CNTNAP4: variants seen among roughly 807,000 people sequenced by gnomAD.
CNTNAP4 encodes the protein contactin associated protein family member 4, also known as contactin-associated protein-like 4.
Under a neutral mutation model 148.4 loss-of-function variants are expected in CNTNAP4, and 98 were observed. That is an observed-to-expected ratio of 0.66 (90% confidence interval 0.56 to 0.78). The LOEUF is 0.78. CNTNAP4 is among the 30% of genes least tolerant of loss of function. The pLI is 0.00. For missense variants in CNTNAP4, 1,935 were observed against 1,565.6 expected (o/e 1.24, Z -3.98); for synonymous variants, 730 against 565.1 (o/e 1.29, Z -4.14).
chr16:76,496,087 G>GTGTGTGTGTA (rs1367203495), intron 14 of CNTNAP4, among the ~76,000 whole-genome samples: 3 of 138,980 alleles, frequency 2.2e-5, no homozygotes, highest in Non-Finnish European at 3.0e-5. Flanking sequence ...AGATTATGTT[G>GTGTGTGTGTA]TGTGTGTGTG....
rs1430127778 is a variant in CNTNAP4 at position 76,421,731 on chromosome 16, G to A, written c.391-5721G>A. Among the ~76,000 whole-genome samples, 3 of 152,136 alleles carry A rather than the reference G, an allele frequency of 2.0e-5. No individual in the cohort carries two copies. The East Asian group carries it at 5.8e-4, about 29-fold the overall frequency. On this transcript the variant is annotated intron_variant, in intron 3 of 23. Transcript: ENST00000611870. Reference sequence around the variant, plus strand: ...TGAATTGTACTTGAAAATAGGTCATGTGTAGGACACATGTAGGTCACAAGA... The same window carrying A: ...TGAATTGTACTTGAAAATAGGTCATATGTAGGACACATGTAGGTCACAAGA...
intron 1 of CNTNAP4, among the ~76,000 whole-genome samples, chr16:76,312,616 C>G (rs911255302): frequency 6.6e-6 from 1 of 152,098 alleles, no homozygotes; most frequent in African/African-American, 2.4e-5. Context: ...AGTACACACT[C>G]CTTGAGAGAA....
intron 1 of CNTNAP4, among the ~76,000 whole-genome samples, chr16:76,289,686 G>A (rs1488598509): frequency 6.6e-6 from 1 of 151,668 alleles, no homozygotes; most frequent in Non-Finnish European, 1.5e-5. Context: ...AATTCTCCTT[G>A]CCTTAGTCTC....
chr16:76,396,907 G>A (rs1171776356), intron 3 of CNTNAP4, among the ~76,000 whole-genome samples: 1 of 152,120 alleles, frequency 6.6e-6, no homozygotes, highest in Non-Finnish European at 1.5e-5. Flanking sequence ...GAATAATTAG[G>A]TAAATAAGTA....
At chr16:76,489,362 A>G (rs1434822500) in intron 12 of CNTNAP4, among the ~76,000 whole-genome samples, 1 of 152,192 alleles carries the variant, frequency 6.6e-6, no homozygotes, top group East Asian at 1.9e-4. Context: ...TGGAATATCG[A>G]TTTCAATGAA....
intron 2 of CNTNAP4, among the ~76,000 whole-genome samples, chr16:76,335,216 C>T (rs553994870): frequency 6.6e-6 from 1 of 152,134 alleles, no homozygotes; most frequent in Admixed American, 6.5e-5. Flanking sequence ...TACATTTCTG[C>T]AAGGAAGGAT....
At chr16:76,514,476 G>C (rs1229616203) in intron 15 of CNTNAP4, among the ~76,000 whole-genome samples, 1 of 152,152 alleles carries the variant, frequency 6.6e-6, no homozygotes, top group Non-Finnish European at 1.5e-5. Context: ...TTCAGTGATA[G>C]TTTGTAAGAT....
intron 15 of CNTNAP4, among the ~76,000 whole-genome samples, chr16:76,516,712 CT>C (rs559731762): frequency 9.2e-5 from 14 of 152,214 alleles, no homozygotes; most frequent in Non-Finnish European, 2.1e-4. Context: ...TGGAATACTA[CT>C]CAGCAGTAGA....
At chr16:76,344,130 A>C (rs1964714699) in intron 2 of CNTNAP4, among the ~76,000 whole-genome samples, 1 of 152,192 alleles carries the variant, frequency 6.6e-6, no homozygotes, top group Non-Finnish European at 1.5e-5. Flanking sequence ...ATTGTAGAAC[A>C]CATCTGTTAA....
intron 8 of CNTNAP4, among the ~76,000 whole-genome samples, chr16:76,454,533 A>G (rs1597596711): frequency 6.6e-6 from 1 of 152,220 alleles, no homozygotes; most frequent in South Asian, 2.1e-4. Flanking sequence ...TATGAATGTC[A>G]GTACACTGAG....
intron 1 of CNTNAP4, among the ~76,000 whole-genome samples, chr16:76,305,495 G>A (rs1393098423): frequency 1.3e-5 from 2 of 151,884 alleles, no homozygotes; most frequent in Non-Finnish European, 2.9e-5. Context: ...TTCATTGCCC[G>A]TTTTTAATAA....
At chr16:76,552,433 C>T (rs555174919) in intron 21 of CNTNAP4, among the ~76,000 whole-genome samples, 16 of 152,224 alleles carry the variant, frequency 1.1e-4, no homozygotes, top group African/African-American at 3.9e-4. Flanking sequence ...TGATAAATTT[C>T]TCTTGTTTAG....
At chr16:76,458,706 T>C (rs1317016556) in intron 8 of CNTNAP4, among the ~76,000 whole-genome samples, 1 of 152,188 alleles carries the variant, frequency 6.6e-6, no homozygotes, top group African/African-American at 2.4e-5. Context: ...TTCACTTGCC[T>C]GCCAGCCACT....
At position 76,436,979 on chromosome 16, in the gene CNTNAP4, ATCTATCTG is replaced by A. The variant is rs1475016350; in HGVS notation, c.538+9388_538+9395del. On this transcript the variant is annotated intron_variant, in intron 4 of 23. Transcript: ENST00000611870. ...ATACAGAATATCTATCTATCTATCT[ATCTATCTG>A]TCTATCTAGGAGTTTATTAAGGAGT... Among the ~76,000 whole-genome samples, 114 of 150,620 alleles carry A rather than the reference ATCTATCTG, an allele frequency of 7.6e-4. 1 individual carries two copies. The highest frequency in any genetic ancestry group is 3.4e-3 in the Middle Eastern group (1 of 292).
At chr16:76,291,692 C>G (rs748021779) in intron 1 of CNTNAP4, among the ~76,000 whole-genome samples, 3 of 152,202 alleles carry the variant, frequency 2.0e-5, no homozygotes, top group Admixed American at 6.5e-5. Context: ...GTGATACATT[C>G]TATGCTTAGT....
At chr16:76,306,518 T>C (rs1450711056) in intron 1 of CNTNAP4, among the ~76,000 whole-genome samples, 1 of 152,112 alleles carries the variant, frequency 6.6e-6, no homozygotes, top group Non-Finnish European at 1.5e-5. Flanking sequence ...GAAAGCAAAA[T>C]GTTGAAAGCA....
rs77899353 is a variant in CNTNAP4 at position 76,430,902 on chromosome 16, A to G, written c.538+3303A>G. Among the ~76,000 whole-genome samples the G allele has an allele frequency of 0.028, 4,203 of 152,308 alleles. 395 individuals carry two copies. In the East Asian group the frequency reaches 0.32, roughly 12 times the overall value. ...AGCCAGTGCCCTTGATAACTATGTG[A>G]ATCATACATGTATTGAGCCTTTAAC... On this transcript the variant is annotated intron_variant, in intron 4 of 23. Coordinates refer to ENST00000611870, the MANE Select transcript of CNTNAP4 (RefSeq NM_033401.5).
chr16:76,553,000 C>G lies in CNTNAP4; in HGVS notation c.3443-283C>G, dbSNP rs144185378. The stretch of plus-strand genomic sequence containing the variant: ...ATTTAAATTAAAAGTATCATGACAC[C>G]CTCATCACTTCTTAACCTGACCCAT... On this transcript the variant is annotated intron_variant, in intron 21 of 23. Coordinates refer to ENST00000611870, the MANE Select transcript of CNTNAP4 (RefSeq NM_033401.5). 3.6e-3 allele frequency among the ~76,000 whole-genome samples: 542 copies of G among 152,164 alleles called. 5 individuals are homozygous for G. The highest frequency in any genetic ancestry group is 0.012 in the African/African-American group (515 of 41,498).
In CNTNAP4 at chr16:76,330,597, C is replaced by G. The variant is rs1963416232; in HGVS notation, c.196+14074C>G. Among the ~76,000 whole-genome samples, 4 of 152,158 alleles carry G rather than the reference C, an allele frequency of 2.6e-5. No individual in the cohort carries two copies. In the South Asian group the frequency reaches 8.3e-4, roughly 32 times the overall value. On this transcript the variant is annotated intron_variant, in intron 2 of 23. Transcript: ENST00000611870. ...GGTGTAAAAATTCACAAACATTTTACAAATTAAACTGGAAGATAATTTATG... is the reference window on the plus strand; with the variant it reads ...GGTGTAAAAATTCACAAACATTTTAGAAATTAAACTGGAAGATAATTTATG...
Sources: allele counts gnomAD v4.1 joint callset (sites outside exome capture counted in the v4.1 genomes callset), GRCh38; gene constraint gnomAD v4.1.1; transcripts MANE v1.5; gene names NCBI Gene and HGNC (gene_info 2026-07-23, HGNC 2026-07-21).